Variants in RMP64 observed in about 807,000 individuals in gnomAD.
The protein encoded by RMP64 is nucleolus and neural progenitor protein.
the RMP64 span, among the ~76,000 whole-genome samples, chr3:113,011,967 C>G: frequency 2.0e-5 from 3 of 152,168 alleles, no homozygotes; most frequent in Non-Finnish European, 4.4e-5. Context: ...TTTTCAATCT[C>G]TAAACACAGA....
At chr3:113,010,217 T>C in the RMP64 span, among the ~76,000 whole-genome samples, 1 of 152,180 alleles carries the variant, frequency 6.6e-6, no homozygotes, top group Admixed American at 6.5e-5. Context: ...TTTACATGCA[T>C]TAAAACTAGC....
the RMP64 span, chr3:113,012,680 C>G: frequency 1.0e-6 from 1 of 991,048 alleles, no homozygotes. Context: ...AATAAGAAAC[C>G]TAGGCTGAAA....
chr3:113,013,218 T>C, the RMP64 span: 1 of 1,586,058 alleles, frequency 6.3e-7, no homozygotes, highest in Non-Finnish European at 8.6e-7. Context: ...CTGTTAAAAA[T>C]ATCCAAACAA....
At chr3:113,019,295 T>C in the RMP64 span, 28 of 538,430 alleles carry the variant, frequency 5.2e-5, 4 homozygotes, top group South Asian at 5.8e-4. Flanking sequence ...GGCTGAGCCT[T>C]GGTCTTTCAT....
the RMP64 span, chr3:113,008,271 C>T: frequency 3.7e-6 from 6 of 1,614,166 alleles, no homozygotes; most frequent in African/African-American, 8.0e-5. Flanking sequence ...CTGCACCATA[C>T]AACTGCCATC....
At chr3:113,013,187 G>T in the RMP64 span, 1 of 1,439,448 alleles carries the variant, frequency 6.9e-7, no homozygotes, top group Non-Finnish European at 9.7e-7. Context: ...CCTATGGAGT[G>T]TTAGCTTTCA....
At chr3:113,019,659 G>T in the RMP64 span, 2 of 1,609,392 alleles carry the variant, frequency 1.2e-6, no homozygotes, top group Non-Finnish European at 1.7e-6. Context: ...CGAGGCGGGG[G>T]GACTTACGAA....
chr3:113,011,508 G>A, the RMP64 span: 3 of 1,052,720 alleles, frequency 2.8e-6, no homozygotes, highest in South Asian at 4.9e-5. Flanking sequence ...GGCTATCAAG[G>A]TCCTCCAGTA....
chr3:113,012,881 G>A, the RMP64 span: 13 of 901,066 alleles, frequency 1.4e-5, no homozygotes, highest in Admixed American at 2.3e-4. Context: ...AATCATGAAT[G>A]AAGAAATATA....
the RMP64 span, chr3:113,004,991 C>T: frequency 6.3e-6 from 1 of 157,984 alleles, no homozygotes; most frequent in African/African-American, 2.4e-5. Flanking sequence ...TGTAACCAGT[C>T]CCTGGTAATA....
At chr3:113,019,448 G>A in the RMP64 span, 1 of 1,021,716 alleles carries the variant, frequency 9.8e-7, no homozygotes. Flanking sequence ...CCCGGGCCGG[G>A]AAGTCCCGGT....
the RMP64 span, chr3:113,008,596 A>G: frequency 3.4e-5 from 20 of 585,920 alleles, no homozygotes; most frequent in Non-Finnish European, 6.0e-5. Context: ...ATTATGCACT[A>G]TATGCTTATA....
At chr3:113,014,557 G>A in the RMP64 span, 96,797 of 151,910 alleles carry the variant, frequency 0.64, 33,190 homozygotes, top group Non-Finnish European at 0.78. Context: ...GGGTTTCACC[G>A]TGTTTGCCAG....
At chr3:113,012,765 G>A in the RMP64 span, 4 of 1,607,970 alleles carry the variant, frequency 2.5e-6, no homozygotes, top group Non-Finnish European at 3.4e-6. Context: ...ACCATCACAA[G>A]GTTTAAAATA....
At chr3:113,016,277 T>C in the RMP64 span, among the ~76,000 whole-genome samples, 1 of 152,100 alleles carries the variant, frequency 6.6e-6, no homozygotes, top group Admixed American at 6.5e-5. Context: ...ATTTAGAATA[T>C]GCCAGAACTT....
the RMP64 span, chr3:113,005,852 G>T: frequency 6.2e-7 from 1 of 1,613,776 alleles, no homozygotes; most frequent in Non-Finnish European, 8.5e-7. Context: ...TAAAAGAGTC[G>T]ACTGCAACTT....
At chr3:113,016,917 G>A in the RMP64 span, among the ~76,000 whole-genome samples, 2 of 152,198 alleles carry the variant, frequency 1.3e-5, no homozygotes, top group African/African-American at 4.8e-5. Flanking sequence ...TATAGCCCCT[G>A]AGCTGGAGGG....
the RMP64 span, chr3:113,014,800 TTGTTCTTA>T: frequency 1.3e-5 from 2 of 152,216 alleles, no homozygotes; most frequent in African/African-American, 4.8e-5. Flanking sequence ...TAGATGAAGC[TTGTTCTTA>T]TGTTCCTCTG....
chr3:113,007,632 A>C, the RMP64 span, among the ~76,000 whole-genome samples: 39,355 of 152,144 alleles, frequency 0.26, 6,281 homozygotes, highest in Non-Finnish European at 0.37. Context: ...AAGCACCCTT[A>C]AACAGTTGTG....
Sources: allele counts gnomAD v4.1 joint callset (sites outside exome capture counted in the v4.1 genomes callset), GRCh38; gene constraint gnomAD v4.1.1; transcripts MANE v1.5; gene names NCBI Gene and HGNC (gene_info 2026-07-23, HGNC 2026-07-21).